TBCEL: variants seen among roughly 807,000 people sequenced by gnomAD.
The protein encoded by TBCEL is tubulin-specific chaperone cofactor E-like protein.
In TBCEL, 15 loss-of-function variants were observed where a neutral mutation model predicts 44.2. The observed-to-expected ratio is 0.34, with a 90% CI of 0.23 to 0.52. The LOEUF is 0.52. Ranked by LOEUF, TBCEL falls within the 20% of genes least tolerant of loss-of-function variation. The probability of loss-of-function intolerance (pLI) is 0.95; values close to 1 mark genes in which losing one functional copy is unlikely to be tolerated. For synonymous variants in TBCEL, 171 were observed against 185.4 expected (o/e 0.92, Z 0.63); for missense variants, 319 against 506.3 (o/e 0.63, Z 3.55).
chr11:121,053,515 T>A, intron 4 of TBCEL, 36 bp from the exon 5 acceptor site: 1 of 1,599,006 alleles, frequency 6.3e-7, no homozygotes, highest in Non-Finnish European at 8.6e-7. Context: ...CAGCTCTGAT[T>A]ACTGCCTGAT....
chr11:121,071,987 A>G (rs1945942618), intron 8 of TBCEL, among the ~76,000 whole-genome samples: 1 of 151,964 alleles, frequency 6.6e-6, no homozygotes, highest in South Asian at 2.1e-4. Flanking sequence ...GTGACACAGC[A>G]CTCCTAGCAC....
At chr11:121,036,440 T>C (rs989184740) in intron 1 of TBCEL, 65 bp from the exon 2 acceptor site, 1 of 152,290 alleles carries the variant, frequency 6.6e-6, no homozygotes, top group Non-Finnish European at 1.5e-5. Flanking sequence ...TCAGTGAATG[T>C]TAAACCTTTT....
At chr11:121,030,872 ATTTTT>A in intron 1 of TBCEL, among the ~76,000 whole-genome samples, 1 of 144,454 alleles carries the variant, frequency 6.9e-6, no homozygotes, top group South Asian at 2.2e-4. Context: ...TATTCTTGTG[ATTTTT>A]TTTTTTTTTT....
chr11:121,065,600 A>G (rs1945806271), intron 8 of TBCEL, among the ~76,000 whole-genome samples: 1 of 152,234 alleles, frequency 6.6e-6, no homozygotes, highest in Non-Finnish European at 1.5e-5. Flanking sequence ...GAGAAAAAAG[A>G]TCATTTTATT....
rs1205826556 is a variant in TBCEL at position 121,089,869 on chromosome 11, A to G, written c.*2773A>G. Reference sequence around the variant, plus strand: ...AAAATAGGAATTATTTCCAGTTATGAAAAAGGAAAAGAGTAATAAAGAAAA... The same window carrying G: ...AAAATAGGAATTATTTCCAGTTATGGAAAAGGAAAAGAGTAATAAAGAAAA... On this transcript the variant is annotated 3_prime_UTR_variant, in exon 9 of 9. Coordinates refer to ENST00000683345, the MANE Select transcript of TBCEL (RefSeq NM_001363644.2). 1 of 152,230 alleles carries G rather than the reference A, an allele frequency of 6.6e-6. No homozygotes were observed. Among genetic ancestry groups the G allele is most frequent in the Non-Finnish European group, 1.5e-5 (1 of 68,036 alleles). 9.4% of individuals were successfully genotyped at this position (152,230 alleles called of 1,614,324 possible).
intron 1 of TBCEL, among the ~76,000 whole-genome samples, chr11:121,025,681 G>A (rs1341619693): frequency 6.6e-6 from 1 of 151,530 alleles, no homozygotes; most frequent in Non-Finnish European, 1.5e-5. Flanking sequence ...CATTCTGTAA[G>A]CTTCTAAAGA....
intron 6 of TBCEL, chr11:121,057,645 C>T (rs759126829): frequency 2.2e-6 from 1 of 453,334 alleles, no homozygotes; most frequent in African/African-American, 2.0e-5. Flanking sequence ...CATGCACAGA[C>T]TTTTTTCTTG....
chr11:121,062,843 T>A (rs1396629853), intron 8 of TBCEL, among the ~76,000 whole-genome samples: 3 of 152,202 alleles, frequency 2.0e-5, no homozygotes, highest in African/African-American at 7.2e-5. Flanking sequence ...ATATTGCTGC[T>A]GGCACTGTCA....
At chr11:121,078,884 C>T (rs1023239446) in intron 8 of TBCEL, among the ~76,000 whole-genome samples, 4 of 152,158 alleles carry the variant, frequency 2.6e-5, no homozygotes, top group Non-Finnish European at 4.4e-5. Flanking sequence ...CAGCCTTTTA[C>T]ATTTTATCAA....
In TBCEL at chr11:121,058,166, G is replaced by C. The variant is rs545342111; in HGVS notation, c.713-179G>C. 3.9e-5 allele frequency among the ~76,000 whole-genome samples: 6 copies of C among 151,936 alleles called. No individual in the cohort carries two copies. In the East Asian group the frequency reaches 9.7e-4, roughly 25 times the overall value. ...CAGAGGTAGGAGAGGCTATGGGGAA[G>C]TTTTTGTGGTTTTAACTGTGTTCTG... On this transcript the variant is annotated intron_variant, in intron 6 of 8. Coordinates refer to ENST00000683345, the MANE Select transcript of TBCEL (RefSeq NM_001363644.2).
At chr11:121,048,500 G>T (rs959971100) in intron 4 of TBCEL, among the ~76,000 whole-genome samples, 1 of 151,800 alleles carries the variant, frequency 6.6e-6, no homozygotes, top group Non-Finnish European at 1.5e-5. Flanking sequence ...TTCCTACTTG[G>T]TTCATTCTTC....
chr11:121,052,692 A>T (rs1015338477), intron 4 of TBCEL, among the ~76,000 whole-genome samples: 1 of 151,898 alleles, frequency 6.6e-6, no homozygotes, highest in African/African-American at 2.4e-5. Flanking sequence ...TTTATGATGT[A>T]TAAATATGGT....
intron 4 of TBCEL, among the ~76,000 whole-genome samples, chr11:121,052,754 T>C (rs1019706231): frequency 5.3e-5 from 8 of 151,916 alleles, no homozygotes; most frequent in African/African-American, 1.7e-4. Flanking sequence ...GTGACCTTTG[T>C]AACTGTAAGG....
intron 8 of TBCEL, among the ~76,000 whole-genome samples, chr11:121,069,311 G>C (rs1256795636): frequency 1.3e-5 from 2 of 152,172 alleles, no homozygotes; most frequent in Non-Finnish European, 2.9e-5. Flanking sequence ...TTTATACTCT[G>C]AGAACACTAA....
rs551161276 is a variant in TBCEL, at chr11:121,058,469, C to A, written c.837C>A (p.Ala279=). The change falls in exon 7 of 9, where the codon GCC becomes GCA. Residue 279 remains alanine (A), a splice_region_variant and synonymous_variant. Transcript: ENST00000683345. ...AGGAGCGAAGGAAATTGGTAATAGC[C>A]AGGTCTGTTGTCCTGATCGTTTTGC... The part of the protein sequence containing the change: ...TTEERRKLVI[A]RLPSVSKLNG... 6.2e-7 allele frequency: 1 copy of A among 1,611,162 alleles called. No homozygotes were observed. The highest frequency in any genetic ancestry group is 1.1e-5 in the South Asian group (1 of 90,998).
At chr11:121,037,921 T>C (rs1300502685) in intron 2 of TBCEL, among the ~76,000 whole-genome samples, 1 of 152,178 alleles carries the variant, frequency 6.6e-6, no homozygotes, top group African/African-American at 2.4e-5. Context: ...GTTGTTGTTG[T>C]TTATTTATTT....
At chr11:121,060,480 G>A (rs1227556846) in intron 8 of TBCEL, among the ~76,000 whole-genome samples, 1 of 151,826 alleles carries the variant, frequency 6.6e-6, no homozygotes, top group Non-Finnish European at 1.5e-5. Context: ...AGGAAGATTT[G>A]GCAAATGTGC....
In TBCEL at chr11:121,053,621, C is replaced by G. The variant is rs762844708; in HGVS notation, c.344C>G (p.Ser115Trp). The change falls in exon 5 of 9, where the codon TCG becomes TGG. Residue 115 changes from serine to tryptophan, a missense_variant. Coordinates refer to ENST00000683345, the MANE Select transcript of TBCEL (RefSeq NM_001363644.2). ...CTGAGTTCCAACCCTCTGAATTTGT[C>G]GGTTTTAGAAAGAACATGTGCTGGG... Reference protein sequence around the residue: ...LNLSSNPLNLSVLERTCAGSF... With the variant: ...LNLSSNPLNLWVLERTCAGSF... 6.2e-7 allele frequency: 1 copy of G among 1,612,130 alleles called. No individual in the cohort carries two copies. The highest frequency in any genetic ancestry group is 8.5e-7 in the Non-Finnish European group (1 of 1,178,934).
chr11:121,027,054 T>A (rs879667581), intron 1 of TBCEL, among the ~76,000 whole-genome samples: 28 of 152,328 alleles, frequency 1.8e-4, no homozygotes, highest in Admixed American at 1.8e-3. Context: ...AATACTTTTT[T>A]TTCCTTTTCT....
Sources: allele counts gnomAD v4.1 joint callset (sites outside exome capture counted in the v4.1 genomes callset), GRCh38; gene constraint gnomAD v4.1.1; transcripts MANE v1.5; gene names NCBI Gene and HGNC (gene_info 2026-07-23, HGNC 2026-07-21).